B3GALT1: variants seen among roughly 807,000 people sequenced by gnomAD.
The protein encoded by B3GALT1 is beta-1,3-galactosyltransferase 1, also known as UDP-Gal:betaGlcNAc beta 1,3-galactosyltransferase, polypeptide 1.
In B3GALT1, 10 loss-of-function variants were observed where a neutral mutation model predicts 23.2. The observed-to-expected ratio is 0.43, with a 90% CI of 0.27 to 0.73. The LOEUF is 0.73. B3GALT1 is among the 30% of genes least tolerant of loss of function. The pLI is 0.21. For synonymous variants in B3GALT1, 156 were observed against 141.5 expected, an observed-to-expected ratio of 1.10 and a Z score of -0.73; for missense variants, 299 against 405.4, an observed-to-expected ratio of 0.74 and a Z score of 2.25.
chr2:167,417,778 A>C (rs1213584349), intron 1 of B3GALT1, among the ~76,000 whole-genome samples: 1 of 152,180 alleles, frequency 6.6e-6, no homozygotes, highest in Non-Finnish European at 1.5e-5. Flanking sequence ...TGGTCATTGA[A>C]AGTATTAACT....
intron 4 of B3GALT1, among the ~76,000 whole-genome samples, chr2:167,858,249 T>C (rs369878139): frequency 1.5e-4 from 23 of 151,904 alleles, no homozygotes; most frequent in East Asian, 1.2e-3. Context: ...CAAGACTTTT[T>C]AATATAGGCT....
intron 3 of B3GALT1, among the ~76,000 whole-genome samples, chr2:167,732,147 A>G (rs986009177): frequency 6.6e-6 from 1 of 152,210 alleles, no homozygotes; most frequent in Non-Finnish European, 1.5e-5. Flanking sequence ...AATGCCTTTA[A>G]TTGCAACAGA....
intron 4 of B3GALT1, among the ~76,000 whole-genome samples, chr2:167,831,727 G>A (rs1310150590): frequency 6.6e-6 from 1 of 152,190 alleles, no homozygotes; most frequent in Non-Finnish European, 1.5e-5. Flanking sequence ...AGAAAACACA[G>A]AGAAATATAA....
chr2:167,440,344 G>GAAAA (rs745706207), intron 1 of B3GALT1, among the ~76,000 whole-genome samples: 2 of 70,110 alleles, frequency 2.9e-5, no homozygotes, highest in African/African-American at 9.3e-5. Context: ...GACTCTGTCT[G>GAAAA]AAAAAAAAAA....
chr2:167,512,546 G>GTA (rs201554463), intron 2 of B3GALT1, among the ~76,000 whole-genome samples: 20,996 of 79,720 alleles, frequency 0.26, 4,190 homozygotes, highest in East Asian at 0.85. Context: ...ATATATATAT[G>GTA]TATATATATG....
chr2:167,469,958 T>C (rs968861502), intron 1 of B3GALT1, among the ~76,000 whole-genome samples: 3 of 152,226 alleles, frequency 2.0e-5, no homozygotes, highest in African/African-American at 7.2e-5. Context: ...AAAGACTGTC[T>C]TTCCCACAAT....
chr2:167,578,606 A>C (rs1337711571), intron 2 of B3GALT1, among the ~76,000 whole-genome samples: 1 of 151,954 alleles, frequency 6.6e-6, no homozygotes, highest in Non-Finnish European at 1.5e-5. Flanking sequence ...GTGTATTTTC[A>C]TCAGAGACCA....
At chr2:167,770,996 C>T (rs975007011) in intron 3 of B3GALT1, among the ~76,000 whole-genome samples, 1 of 152,128 alleles carries the variant, frequency 6.6e-6, no homozygotes, top group African/African-American at 2.4e-5. Flanking sequence ...GAGAAGCTAA[C>T]TTATTATTTA....
At chr2:167,704,087 A>T (rs1686931858) in intron 3 of B3GALT1, among the ~76,000 whole-genome samples, 1 of 146,828 alleles carries the variant, frequency 6.8e-6, no homozygotes, top group African/African-American at 2.5e-5. Flanking sequence ...AGGCTGAGGC[A>T]GGGGAATGGC....
chr2:167,332,461 A>G (rs1164779263), intron 1 of B3GALT1, among the ~76,000 whole-genome samples: 2 of 152,374 alleles, frequency 1.3e-5, no homozygotes, highest in Non-Finnish European at 2.9e-5. Context: ...AGTATCAGCA[A>G]TGACAGTGCA....
At chr2:167,562,207 A>T (rs1482323569) in intron 2 of B3GALT1, among the ~76,000 whole-genome samples, 4 of 152,240 alleles carry the variant, frequency 2.6e-5, no homozygotes, top group Admixed American at 2.6e-4. Context: ...GGCAAAAACC[A>T]CATGATTATC....
intron 3 of B3GALT1, among the ~76,000 whole-genome samples, chr2:167,664,742 CT>C (rs1420401544): frequency 6.6e-6 from 1 of 151,980 alleles, no homozygotes; most frequent in East Asian, 1.9e-4. Context: ...TGGAAGTTCA[CT>C]CATGATTTGG....
intron 1 of B3GALT1, among the ~76,000 whole-genome samples, chr2:167,413,858 ATACT>A (rs2105297327): frequency 6.6e-6 from 1 of 152,074 alleles, no homozygotes; most frequent in Middle Eastern, 3.5e-3. Context: ...CTTTCTTGGA[ATACT>A]TAAAGTTTTT....
At chr2:167,690,405 AT>A (rs570959377) in intron 3 of B3GALT1, among the ~76,000 whole-genome samples, 57 of 152,210 alleles carry the variant, frequency 3.7e-4, no homozygotes, top group African/African-American at 1.2e-3. Flanking sequence ...CATTTAACAA[AT>A]AATTTTTAAA....
chr2:167,697,243 TGATTAGAG>T (rs1686803003), intron 3 of B3GALT1, among the ~76,000 whole-genome samples: 1 of 152,194 alleles, frequency 6.6e-6, no homozygotes, highest in Admixed American at 6.5e-5. Context: ...ACGTTGCTCA[TGATTAGAG>T]GATTGGTTGA....
chr2:167,783,087 G>A (rs1688275244), intron 3 of B3GALT1, among the ~76,000 whole-genome samples: 1 of 152,012 alleles, frequency 6.6e-6, no homozygotes, highest in Non-Finnish European at 1.5e-5. Flanking sequence ...GGGGAATAAG[G>A]TGGATAATTT....
chr2:167,764,028 T>G (rs2105301243), intron 3 of B3GALT1, among the ~76,000 whole-genome samples: 1 of 152,318 alleles, frequency 6.6e-6, no homozygotes, highest in South Asian at 2.1e-4. Flanking sequence ...TCTCAAATTT[T>G]TAAGTGCTAT....
At chr2:167,341,058 G>A (rs939255166) in intron 1 of B3GALT1, among the ~76,000 whole-genome samples, 4 of 152,106 alleles carry the variant, frequency 2.6e-5, no homozygotes, top group Non-Finnish European at 5.9e-5. Context: ...CTCAGTGGAT[G>A]GATTTAACAA....
chr2:167,710,417 G>A (rs1282156957), intron 3 of B3GALT1, among the ~76,000 whole-genome samples: 3 of 152,178 alleles, frequency 2.0e-5, no homozygotes, highest in East Asian at 1.9e-4. Flanking sequence ...CGAGGAAACC[G>A]TGGCTCTTTT....
Sources: allele counts gnomAD v4.1 joint callset (sites outside exome capture counted in the v4.1 genomes callset), GRCh38; gene constraint gnomAD v4.1.1; transcripts MANE v1.5; gene names NCBI Gene and HGNC (gene_info 2026-07-23, HGNC 2026-07-21).